FBXO36: variants seen among roughly 807,000 people sequenced by gnomAD.
FBXO36 encodes the protein F-box only protein 36.
A neutral mutation model predicts 17.0 loss-of-function variants in FBXO36; 18 were observed. That is an observed-to-expected ratio of 1.06 (90% CI 0.73 to 1.57). FBXO36 has a LOEUF of 1.57. FBXO36 is among the 40% of genes most tolerant of loss of function. The pLI is 0.00. For missense variants in FBXO36, 229 were observed against 221.9 expected (o/e 1.03, Z -0.20); for synonymous variants, 83 against 85.3 (o/e 0.97, Z 0.15).
intron 1 of FBXO36, among the ~76,000 whole-genome samples, chr2:229,927,190 G>A (rs1261375417): frequency 6.6e-6 from 1 of 152,134 alleles, no homozygotes; most frequent in African/African-American, 2.4e-5. Flanking sequence ...ATATTATTTA[G>A]TTTGTACTTT....
chr2:229,989,083 A>T (rs1185748978), intron 2 of FBXO36, among the ~76,000 whole-genome samples: 1 of 152,054 alleles, frequency 6.6e-6, no homozygotes, highest in Non-Finnish European at 1.5e-5. Context: ...GCTGGCCAAA[A>T]GATAAATGCT....
intron 1 of FBXO36, among the ~76,000 whole-genome samples, chr2:229,932,601 C>T (rs1257648792): frequency 6.6e-6 from 1 of 151,906 alleles, no homozygotes; most frequent in Admixed American, 6.6e-5. Flanking sequence ...TCGCTTGAAC[C>T]TGAGAGATGG....
chr2:229,961,343 A>T (rs1385939814), intron 1 of FBXO36, among the ~76,000 whole-genome samples: 1 of 151,908 alleles, frequency 6.6e-6, no homozygotes, highest in East Asian at 1.9e-4. Context: ...TTTTTTCCCA[A>T]GATTTTCTTG....
intron 1 of FBXO36, among the ~76,000 whole-genome samples, chr2:229,960,124 A>G (rs1178165800): frequency 2.0e-5 from 3 of 152,034 alleles, no homozygotes; most frequent in Admixed American, 6.6e-5. Context: ...TTAAAATATT[A>G]TAGTATTACT....
intron 1 of FBXO36, among the ~76,000 whole-genome samples, chr2:229,967,872 C>A (rs1253524244): frequency 1.3e-5 from 2 of 152,130 alleles, no homozygotes; most frequent in Non-Finnish European, 2.9e-5. Context: ...GCTTTGGTAT[C>A]AGGATGATGC....
intron 1 of FBXO36, among the ~76,000 whole-genome samples, chr2:229,967,297 T>C (rs1356505567): frequency 6.6e-6 from 1 of 152,230 alleles, no homozygotes; most frequent in Non-Finnish European, 1.5e-5. Context: ...TGGGGTTTTC[T>C]AGATATACAA....
chr2:229,963,593 C>T (rs1191899442), intron 1 of FBXO36, among the ~76,000 whole-genome samples: 4 of 151,824 alleles, frequency 2.6e-5, no homozygotes, highest in African/African-American at 9.7e-5. Flanking sequence ...TACAGGCGCC[C>T]GCCACCATGC....
intron 1 of FBXO36, among the ~76,000 whole-genome samples, chr2:229,974,786 A>AT (rs1394063717): frequency 1.3e-5 from 2 of 152,136 alleles, no homozygotes. Flanking sequence ...GTGCAGAGAG[A>AT]TTGCCCAGGC....
At chr2:230,002,873 T>A (rs2077367152) in intron 3 of FBXO36, among the ~76,000 whole-genome samples, 1 of 152,178 alleles carries the variant, frequency 6.6e-6, no homozygotes, top group Non-Finnish European at 1.5e-5. Flanking sequence ...TAAACTTGTT[T>A]TATTTAAATG....
At position 230,011,264 on chromosome 2, in the gene FBXO36, T is replaced by C. The variant is rs1171039641; in HGVS notation, c.*380T>C. 6.4e-6 allele frequency: 1 copy of C among 155,328 alleles called. No homozygotes were observed. The highest frequency in any genetic ancestry group is 1.4e-5 in the Non-Finnish European group (1 of 70,042). 9.6% of individuals were successfully genotyped at this position (155,328 alleles called of 1,614,324 possible). A position where few individuals can be genotyped will look rare whatever the true frequency, so the allele number is the denominator to read the frequency against. ...GGCATTAGAAAGGGTAATGGGGCTT[T>C]TGAATTTTTTCCTGGCATTGTGTCG... On this transcript the variant is annotated 3_prime_UTR_variant, in exon 4 of 4. Transcript: ENST00000283946.
At chr2:230,008,621 G>A (rs1448438561) in intron 3 of FBXO36, among the ~76,000 whole-genome samples, 1 of 152,116 alleles carries the variant, frequency 6.6e-6, no homozygotes, top group African/African-American at 2.4e-5. Context: ...CCCAAATCTT[G>A]TAGTTTCCAC....
intron 1 of FBXO36, among the ~76,000 whole-genome samples, chr2:229,962,937 A>C (rs1247495915): frequency 6.6e-6 from 1 of 152,152 alleles, no homozygotes; most frequent in Non-Finnish European, 1.5e-5. Flanking sequence ...TTGGCCTCCC[A>C]AAGTGCTGGG....
In FBXO36 at chr2:229,925,870, GA is replaced by G. The variant is rs532524505; in HGVS notation, c.96+3262del. Among the ~76,000 whole-genome samples the G allele has an allele frequency of 2.7e-4, 41 of 152,240 alleles. 1 individual carries two copies. In the East Asian group the frequency reaches 6.9e-3, roughly 26 times the overall value. On this transcript the variant is annotated intron_variant, in intron 1 of 3. Transcript: ENST00000283946. Reference sequence around the variant, plus strand: ...TACCATGTTGTTTTGGGTCTTGGGAGAGGGGTTTTATTCAAATAAATAACTT... The same window carrying G: ...TACCATGTTGTTTTGGGTCTTGGGAGGGGGTTTTATTCAAATAAATAACTT...
At chr2:229,978,317 T>G (rs1262089291) in intron 2 of FBXO36, among the ~76,000 whole-genome samples, 1 of 148,924 alleles carries the variant, frequency 6.7e-6, no homozygotes, top group Non-Finnish European at 1.5e-5. Context: ...GCACGGTGGC[T>G]CACGCCTGTA....
chr2:229,935,397 C>T (rs542211301), intron 1 of FBXO36, among the ~76,000 whole-genome samples: 1 of 152,256 alleles, frequency 6.6e-6, no homozygotes, highest in East Asian at 1.9e-4. Context: ...CCTGTAATCC[C>T]AGCTACTTGG....
intron 2 of FBXO36, among the ~76,000 whole-genome samples, chr2:229,979,169 CAAA>C (rs11368097): frequency 3.1e-5 from 4 of 129,506 alleles, no homozygotes; most frequent in Admixed American, 7.7e-5. Flanking sequence ...TACTCTGTCT[CAAA>C]AAAAAAAAAA....
At chr2:230,000,355 CAAAAAA>C (rs3086348) in intron 3 of FBXO36, among the ~76,000 whole-genome samples, 1 of 77,460 alleles carries the variant, frequency 1.3e-5, no homozygotes, top group African/African-American at 5.0e-5. Flanking sequence ...GAGACTGTCT[CAAAAAA>C]AAAAAAAAAA....
intron 3 of FBXO36, among the ~76,000 whole-genome samples, chr2:229,997,616 G>A (rs1407100817): frequency 6.6e-6 from 1 of 151,808 alleles, no homozygotes; most frequent in Non-Finnish European, 1.5e-5. Context: ...AGGGCAAGGA[G>A]GACAACCTGA....
chr2:229,993,983 A>G (rs140987897), intron 2 of FBXO36, among the ~76,000 whole-genome samples: 153 of 151,672 alleles, frequency 1.0e-3, no homozygotes, highest in Admixed American at 6.3e-3. Flanking sequence ...TGTGTTAGCC[A>G]GGTTGGTCTC....
Sources: gnomAD v4.1 joint callset for allele counts (sites outside exome capture counted in the v4.1 genomes callset) on GRCh38, gnomAD v4.1.1 for gene constraint, MANE v1.5 for transcripts, NCBI Gene and HGNC (gene_info 2026-07-23, HGNC 2026-07-21) for gene names.